The following GRIK4 variants were observed in gnomAD, a reference collection of about 807,000 sequenced individuals.
GRIK4 encodes the protein glutamate ionotropic receptor kainate type subunit 4.
Under a neutral mutation model 104.9 loss-of-function variants are expected in GRIK4, and 40 were observed. That is an observed-to-expected ratio of 0.38 (90% CI 0.30 to 0.50). GRIK4 has a LOEUF of 0.50. Ranked by LOEUF, GRIK4 falls within the 20% of genes least tolerant of loss-of-function variation. The pLI is 0.93. For missense variants in GRIK4, 1,047 were observed against 1,308.1 expected, an observed-to-expected ratio of 0.80 and a Z score of 3.08; for synonymous variants, 485 against 524.9, an observed-to-expected ratio of 0.92 and a Z score of 1.04.
At chr11:120,947,151 C>T (rs1352075778) in intron 14 of GRIK4, among the ~76,000 whole-genome samples, 1 of 152,142 alleles carries the variant, frequency 6.6e-6, no homozygotes, top group Non-Finnish European at 1.5e-5. Context: ...TGCCTGTAAT[C>T]CCAGCATTTT....
In GRIK4 at chr11:120,660,967, G is replaced by A. The variant is rs372976486; in HGVS notation, c.82+567G>A. On this transcript the variant is annotated intron_variant, in intron 3 of 20. Coordinates refer to ENST00000527524, the MANE Select transcript of GRIK4 (RefSeq NM_014619.5). Reference sequence around the variant, plus strand: ...CTGTGGGACGCCCACTTTAGGTGTGGGCAGGCGGGCTTCCACCTGAGCCCT... The same window carrying A: ...CTGTGGGACGCCCACTTTAGGTGTGAGCAGGCGGGCTTCCACCTGAGCCCT... 4.6e-5 allele frequency among the ~76,000 whole-genome samples: 7 copies of A among 152,270 alleles called. No homozygotes were observed. The East Asian group carries it at 1.2e-3, about 25-fold the overall frequency.
At chr11:120,750,172 T>C (rs953322502) in intron 3 of GRIK4, among the ~76,000 whole-genome samples, 2 of 152,126 alleles carry the variant, frequency 1.3e-5, no homozygotes, top group African/African-American at 4.8e-5. Context: ...AGGCTGGCAA[T>C]GGCAACCCTG....
intron 3 of GRIK4, among the ~76,000 whole-genome samples, chr11:120,751,436 A>G (rs72995834): frequency 1.3e-5 from 2 of 152,316 alleles, no homozygotes; most frequent in African/African-American, 2.4e-5. Flanking sequence ...GCTTTATGAA[A>G]TAAAATAAAT....
At chr11:120,878,055 A>C (rs1443299340) in intron 11 of GRIK4, among the ~76,000 whole-genome samples, 3 of 152,176 alleles carry the variant, frequency 2.0e-5, no homozygotes, top group Admixed American at 6.5e-5. Flanking sequence ...AGGCCAGAGG[A>C]CTGCCTGAGT....
At chr11:120,955,742 T>C (rs1861232275) in intron 15 of GRIK4, among the ~76,000 whole-genome samples, 2 of 151,876 alleles carry the variant, frequency 1.3e-5, no homozygotes, top group Non-Finnish European at 2.9e-5. Context: ...AAACAAACAC[T>C]GATGTCCAGG....
intron 13 of GRIK4, among the ~76,000 whole-genome samples, chr11:120,937,480 A>C (rs1209837460): frequency 6.6e-6 from 1 of 152,232 alleles, no homozygotes; most frequent in Non-Finnish European, 1.5e-5. Context: ...TATTAAATGC[A>C]AGAAACGACC....
intron 1 of GRIK4, among the ~76,000 whole-genome samples, chr11:120,553,145 A>G (rs1251764069): frequency 6.6e-6 from 1 of 152,254 alleles, no homozygotes; most frequent in Non-Finnish European, 1.5e-5. Flanking sequence ...ATTTGGGGCC[A>G]TCGGCCCATA....
chr11:120,573,684 G>C (rs1167313286), intron 1 of GRIK4, among the ~76,000 whole-genome samples: 3 of 152,240 alleles, frequency 2.0e-5, no homozygotes, highest in Non-Finnish European at 4.4e-5. Context: ...GAGAGCAGTG[G>C]GGTGTGGCCT....
chr11:120,871,735 G>C (rs1433147993), intron 9 of GRIK4: 1 of 456,364 alleles, frequency 2.2e-6, no homozygotes, highest in Admixed American at 2.3e-5. Flanking sequence ...CCAGATGGTA[G>C]TGGCTGAATA....
chr11:120,891,944 A>G (rs1179534565), intron 11 of GRIK4, among the ~76,000 whole-genome samples: 2 of 152,226 alleles, frequency 1.3e-5, no homozygotes, highest in Non-Finnish European at 2.9e-5. Flanking sequence ...GGCTCTGAGC[A>G]AATCAGCTTT....
At chr11:120,746,972 C>G (rs1480216454) in intron 3 of GRIK4, among the ~76,000 whole-genome samples, 3 of 152,182 alleles carry the variant, frequency 2.0e-5, no homozygotes, top group African/African-American at 7.2e-5. Flanking sequence ...AACCACATCC[C>G]CTTCTGAGCC....
chr11:120,836,525 G>A (rs1368045086), intron 7 of GRIK4, among the ~76,000 whole-genome samples: 1 of 152,196 alleles, frequency 6.6e-6, no homozygotes, highest in African/African-American at 2.4e-5. Flanking sequence ...GGAGTATGTT[G>A]TGTACAAGAA....
rs1942854880 is a variant in GRIK4 at position 120,905,746 on chromosome 11, T to G, written c.1476+253T>G. Reference sequence around the variant, plus strand: ...TGTGACAAGTCATGGAGGCTCTGATTGATTAACACAGATGAGGGAGTTTGG... The same window carrying G: ...TGTGACAAGTCATGGAGGCTCTGATGGATTAACACAGATGAGGGAGTTTGG... On this transcript the variant is annotated intron_variant, in intron 13 of 20. Transcript: ENST00000527524. The surrounding 1 kb of genome is among the most constrained non-coding windows in gnomAD (Gnocchi z 5.1). Among the ~76,000 whole-genome samples the G allele has an allele frequency of 6.6e-6, 1 of 152,232 alleles. No homozygotes were observed. Among genetic ancestry groups the G allele is most frequent in the South Asian group, 2.1e-4 (1 of 4,830 alleles).
intron 3 of GRIK4, among the ~76,000 whole-genome samples, chr11:120,681,043 C>T (rs1950184438): frequency 6.6e-6 from 1 of 152,224 alleles, no homozygotes; most frequent in Admixed American, 6.5e-5. Flanking sequence ...GACCACCCCA[C>T]AAACAGAGTG....
At chr11:120,548,117 C>T (rs183947165) in intron 1 of GRIK4, among the ~76,000 whole-genome samples, 7 of 152,200 alleles carry the variant, frequency 4.6e-5, no homozygotes, top group African/African-American at 9.6e-5. Flanking sequence ...TGACTCAGCC[C>T]GAATCAATTG....
At chr11:120,958,558 C>T (rs889668908) in intron 16 of GRIK4, among the ~76,000 whole-genome samples, 7 of 152,232 alleles carry the variant, frequency 4.6e-5, no homozygotes, top group Non-Finnish European at 5.9e-5. Context: ...ACCCAGAGCA[C>T]GTGATAGAAA....
intron 1 of GRIK4, among the ~76,000 whole-genome samples, chr11:120,521,851 C>G (rs753289752): frequency 6.6e-6 from 1 of 152,196 alleles, no homozygotes; most frequent in African/African-American, 2.4e-5. Context: ...TTATCTCCCG[C>G]GGGTGGTTAT....
intron 19 of GRIK4, among the ~76,000 whole-genome samples, chr11:120,979,088 T>C (rs1039425676): frequency 7.9e-5 from 12 of 152,226 alleles, no homozygotes; most frequent in Admixed American, 6.5e-4. Context: ...ATAGACAGAA[T>C]TACTTGGAGC....
chr11:120,820,082 CGTGTGT>C (rs35140379), intron 6 of GRIK4, among the ~76,000 whole-genome samples, 162 bp downstream of exon 6: 3,454 of 144,678 alleles, frequency 0.024, 137 homozygotes, highest in African/African-American at 0.08. Flanking sequence ...CTCATGTGTC[CGTGTGT>C]GTGTGTGTGT....
Sources: allele counts gnomAD v4.1 joint callset (sites outside exome capture counted in the v4.1 genomes callset), GRCh38; gene constraint gnomAD v4.1.1; non-coding constraint Gnocchi (gnomAD v3.1); transcripts MANE v1.5; gene names NCBI Gene and HGNC (gene_info 2026-07-23, HGNC 2026-07-21).